The following MYH15 variants were observed in gnomAD, a reference collection of about 807,000 sequenced individuals.
The protein encoded by MYH15 is myosin-15.
Under a neutral mutation model 240.5 loss-of-function variants are expected in MYH15, and 227 were observed. The observed-to-expected ratio is 0.94, with a 90% confidence interval of 0.85 to 1.05. The LOEUF (loss-of-function observed/expected upper bound fraction) is 1.05, where lower values mean the gene tolerates loss of function less well. MYH15 is among the 50% of genes least tolerant of loss of function. MYH15 has a pLI of 0.00. For missense variants in MYH15, 2,217 were observed against 2,247.5 expected (o/e 0.99, Z 0.27); for synonymous variants, 785 against 796.7 (o/e 0.99, Z 0.25).
At chr3:108,478,768 G>A (rs984224307) in intron 11 of MYH15, among the ~76,000 whole-genome samples, 1 of 152,006 alleles carries the variant, frequency 6.6e-6, no homozygotes, top group Non-Finnish European at 1.5e-5. Context: ...TCAAAGAATA[G>A]TTCCCCATGC....
At chr3:108,443,655 G>C (rs1357480172) in intron 22 of MYH15, among the ~76,000 whole-genome samples, 2 of 152,102 alleles carry the variant, frequency 1.3e-5, no homozygotes, top group South Asian at 4.2e-4. Context: ...TGTAGACAGA[G>C]GCTTGAATGC....
chr3:108,512,782 C>A (rs557958581), upstream of MYH15, among the ~76,000 whole-genome samples: 3 of 152,204 alleles, frequency 2.0e-5, no homozygotes, highest in African/African-American at 7.2e-5. Flanking sequence ...ACTCTCCTTC[C>A]AAGTCTGGAG....
chr3:108,524,227 A>G (rs1368906985), intron 1 of MYH15, among the ~76,000 whole-genome samples: 1 of 152,038 alleles, frequency 6.6e-6, no homozygotes, highest in African/African-American at 2.4e-5. Context: ...TTCATTCTTT[A>G]TAACTTTTTG....
chr3:108,458,291 A>C (rs754697038), intron 18 of MYH15, among the ~76,000 whole-genome samples: 8 of 152,212 alleles, frequency 5.3e-5, no homozygotes, highest in Non-Finnish European at 1.0e-4. Context: ...TCAGCTAATT[A>C]GATTCCTTGA....
chr3:108,467,654 A>G (rs2107585254), intron 14 of MYH15, among the ~76,000 whole-genome samples: 1 of 152,348 alleles, frequency 6.6e-6, no homozygotes, highest in South Asian at 2.1e-4. Context: ...GGGTGTTTAC[A>G]CCAAATGAAT....
rs2082882542 is a variant in MYH15, at chr3:108,441,206, T to C, written c.2710A>G (p.Lys904Glu). The change falls in exon 23 of 41, where the codon AAG becomes GAG. Residue 904 changes from lysine (K) to glutamate (E), a missense_variant. By Grantham distance (56) the Lys-to-Glu change is moderately conservative. Transcript: ENST00000693548. ...EEQCEWLIKS[K>E]IQLEARVKEL... Reference sequence around the variant, plus strand: ...TTTACTCTGGCCTCCAGCTGGATCTTGGATTTAATCAGCCACTCGCACTGC... The same window carrying C: ...TTTACTCTGGCCTCCAGCTGGATCTCGGATTTAATCAGCCACTCGCACTGC... The C allele has an allele frequency of 6.2e-7, 1 of 1,613,968 alleles. No individual in the cohort carries two copies. The highest frequency in any genetic ancestry group is 1.3e-5 in the African/African-American group (1 of 74,900).
chr3:108,460,330 A>C lies in MYH15; in HGVS notation c.1902T>G (p.Ala634=). The change falls in exon 17 of 41, where the codon GCT becomes GCG. Residue 634 remains alanine (A), a synonymous_variant. Coordinates refer to ENST00000693548, the MANE Select transcript of MYH15 (RefSeq NM_014981.3). ...GCAGAGATGCAACCGTTTGGAATGA[A>C]GCTCCTTTCTTTCGTTTCTTCTCCC... The part of the protein sequence containing the change: ...PFGEKKRKKG[A]SFQTVASLHK... The C allele has an allele frequency of 6.2e-7, 1 of 1,604,704 alleles. No individual in the cohort carries two copies. The highest frequency in any genetic ancestry group is 8.5e-7 in the Non-Finnish European group (1 of 1,175,708).
At position 108,381,331 on chromosome 3, in the gene MYH15, G is replaced by A; in HGVS notation, c.*214C>T. On this transcript the variant is annotated 3_prime_UTR_variant, in exon 41 of 41. Coordinates refer to ENST00000693548, the MANE Select transcript of MYH15 (RefSeq NM_014981.3). ...TAATCTGTCATGTGAAGCATTAGAA[G>A]GTAGTTTACTTGCATTTGAGGATCA... The A allele has an allele frequency of 1.7e-6, 1 of 602,282 alleles. No individual in the cohort carries two copies. Among genetic ancestry groups the A allele is most frequent in the Non-Finnish European group, 3.0e-6 (1 of 336,552 alleles). The allele number at this position is 602,282 out of a possible 1,614,324, so 37.3% of individuals were successfully genotyped here.
chr3:108,401,670 A>T (rs2082506979), intron 33 of MYH15, among the ~76,000 whole-genome samples: 1 of 152,236 alleles, frequency 6.6e-6, no homozygotes, highest in Non-Finnish European at 1.5e-5. Flanking sequence ...AATCCTCTGT[A>T]CAGAAATACA....
At chr3:108,499,098 A>G (rs2107234473) in intron 5 of MYH15, among the ~76,000 whole-genome samples, 1 of 152,242 alleles carries the variant, frequency 6.6e-6, no homozygotes, top group Non-Finnish European at 1.5e-5. Context: ...CCATGGGCAT[A>G]CCTATTGGAC....
At chr3:108,529,256 C>T in intron 1 of MYH15, 1 of 1,602,362 alleles carries the variant, frequency 6.2e-7, no homozygotes, top group South Asian at 1.1e-5. Flanking sequence ...GTTGGGAGTC[C>T]ACTCACCATG....
intron 40 of MYH15, among the ~76,000 whole-genome samples, chr3:108,382,519 G>T (rs2107530324): frequency 6.6e-6 from 1 of 152,254 alleles, no homozygotes; most frequent in Non-Finnish European, 1.5e-5. Context: ...ATAATCAGGA[G>T]TCCATGGAAC....
chr3:108,519,590 C>T (rs988599901), intron 1 of MYH15, among the ~76,000 whole-genome samples: 1 of 152,122 alleles, frequency 6.6e-6, no homozygotes, highest in Non-Finnish European at 1.5e-5. Flanking sequence ...CTGAAGGAAA[C>T]TAAGATCGAG....
At chr3:108,542,426 T>C in the MYH15 span, among the ~76,000 whole-genome samples, 1 of 152,216 alleles carries the variant, frequency 6.6e-6, no homozygotes, top group Non-Finnish European at 1.5e-5. Flanking sequence ...TCAAGTGTTC[T>C]ATAGTTTTGA....
Position 108,495,866 on chromosome 3 carries a change from A to G in MYH15, c.625T>C (p.Leu209=), listed in dbSNP as rs752463108. 13 of 1,607,318 alleles carry G rather than the reference A, an allele frequency of 8.1e-6. No homozygotes were observed. The South Asian group carries it at 1.0e-4, about 12-fold the overall frequency. Residue 209 remains leucine, a synonymous_variant, in exon 7 of 41, where the codon TTA becomes CTA. Transcript: ENST00000693548. ...TTCGCTTGCATGATTTGATCTTCTA[A>G]CGCCCCCTGAGACACATGCAAGAGA... is the stretch of plus-strand genomic sequence containing the variant. ...MIESRKKQGA[L]EDQIMQANTI... is the part of the protein sequence containing the mutation.
At chr3:108,511,882 G>A (rs374185877), upstream of MYH15, among the ~76,000 whole-genome samples, 4 of 152,296 alleles carry the variant, frequency 2.6e-5, no homozygotes, top group East Asian at 7.7e-4. Flanking sequence ...ACCACTTGTA[G>A]GATCTAGTTT....
chr3:108,522,483 GCT>G, intron 1 of MYH15, among the ~76,000 whole-genome samples: 1 of 152,172 alleles, frequency 6.6e-6, no homozygotes, highest in South Asian at 2.1e-4. Flanking sequence ...GTGAGAATAA[GCT>G]CTGTCAATAG....
At chr3:108,518,712 C>T (rs1186366132) in intron 1 of MYH15, among the ~76,000 whole-genome samples, 2 of 152,124 alleles carry the variant, frequency 1.3e-5, no homozygotes, top group African/African-American at 2.4e-5. Context: ...TGACCCCTGC[C>T]GGGAACATTC....
Position 108,459,368 on chromosome 3 carries a change from T to G in MYH15, c.2014A>C (p.Ile672Leu), listed in dbSNP as rs1011739529. Residue 672 changes from isoleucine (I) to leucine (L), a missense_variant, in exon 18 of 41, where the codon ATA (isoleucine) becomes CTA (leucine). Physicochemically the swap from Ile to Leu is conservative, Grantham distance 5. Coordinates refer to ENST00000693548, the MANE Select transcript of MYH15 (RefSeq NM_014981.3). ...VRCINPNVNK[I>L]PGILDPYLVL... is the part of the protein sequence containing the mutation. The stretch of plus-strand genomic sequence containing the variant: ...AAAGAAATCTAGTTCTTACCTGGTA[T>G]TTTGTTCACATTGGGATTTATGCAT... 6.3e-7 allele frequency: 1 copy of G among 1,581,548 alleles called. No homozygotes were observed. The highest frequency in any genetic ancestry group is 1.1e-5 in the South Asian group (1 of 87,002).
Sources: allele counts gnomAD v4.1 joint callset (sites outside exome capture counted in the v4.1 genomes callset), GRCh38; gene constraint gnomAD v4.1.1; transcripts MANE v1.5; gene names NCBI Gene and HGNC (gene_info 2026-07-23, HGNC 2026-07-21).